Variants in TEX15 observed in about 807,000 individuals in gnomAD.
TEX15 encodes testis-expressed protein 15.
Under a neutral mutation model 237.3 loss-of-function variants are expected in TEX15, and 171 were observed. That is an observed-to-expected ratio of 0.72 (90% confidence interval 0.64 to 0.82). The LOEUF (loss-of-function observed/expected upper bound fraction) is 0.82, where lower values mean the gene tolerates loss of function less well. TEX15 is among the 40% of genes least tolerant of loss of function. The pLI, the probability that TEX15 is intolerant of heterozygous loss-of-function variation, is 0.00. For missense variants in TEX15, 3,750 were observed against 3,646.5 expected, an observed-to-expected ratio of 1.03 and a Z score of -0.73; for synonymous variants, 1,338 against 1,269.8, an observed-to-expected ratio of 1.05 and a Z score of -1.14.
At chr8:30,838,160 T>TTCTTAAGC in intron 9 of TEX15, 99 bp from the exon 10 acceptor site, 1 of 1,077,508 alleles carries the variant, frequency 9.3e-7, no homozygotes, top group Non-Finnish European at 1.3e-6. Flanking sequence ...AGGGGAAGAG[T>TTCTTAAGC]TCTTAAGCTT....
intron 1 of TEX15, among the ~76,000 whole-genome samples, chr8:30,910,611 T>C (rs922159350): frequency 1.5e-5 from 1 of 64,666 alleles, no homozygotes; most frequent in African/African-American, 1.5e-4. Flanking sequence ...ACGCCTGGCC[T>C]TTTTTTTTTT....
intron 5 of TEX15, among the ~76,000 whole-genome samples, chr8:30,862,091 A>C (rs1468536855): frequency 6.6e-6 from 1 of 152,142 alleles, no homozygotes; most frequent in Non-Finnish European, 1.5e-5. Flanking sequence ...TTCTCAGGAC[A>C]GTTGAGCATT....
At chr8:30,836,204 C>A (rs1465345096) in intron 10 of TEX15, among the ~76,000 whole-genome samples, 5 of 18,846 alleles carry the variant, frequency 2.7e-4, no homozygotes, top group Non-Finnish European at 3.5e-4. Flanking sequence ...TTCACTGTAT[C>A]GTTTTTTTTT....
At chr8:30,856,149 T>A (rs1807907051) in intron 7 of TEX15, among the ~76,000 whole-genome samples, 1 of 151,894 alleles carries the variant, frequency 6.6e-6, no homozygotes. Flanking sequence ...TTTCACCTTG[T>A]TGGCCAGGCT....
At position 30,848,951 on chromosome 8, in the gene TEX15, T is replaced by C. The variant is rs1006026338; in HGVS notation, c.1216A>G (p.Ile406Val). The C allele has an allele frequency of 6.2e-6, 10 of 1,614,006 alleles. No individual in the cohort carries two copies. Among genetic ancestry groups the C allele is most frequent in the African/African-American group, 1.3e-5 (1 of 74,920 alleles). Residue 406 changes from isoleucine to valine, a missense_variant, in exon 8 of 11, where the codon ATT becomes GTT. Physicochemically the swap from Ile to Val is conservative, Grantham distance 29. Coordinates refer to ENST00000643185, the MANE Select transcript of TEX15 (RefSeq NM_001350162.2). Reference sequence around the variant, plus strand: ...AAAGAAGCATTAAGACCACTTAAAATATTTTTAAGACTTGTCCAATTTAAC... The same window carrying C: ...AAAGAAGCATTAAGACCACTTAAAACATTTTTAAGACTTGTCCAATTTAAC... Reference protein sequence around the residue: ...LLLNWTSLKNILSGLNASFPL... With the variant: ...LLLNWTSLKNVLSGLNASFPL...
chr8:30,848,837 C>T lies in TEX15; in HGVS notation c.1330G>A (p.Gly444Arg), dbSNP rs1342059340. ...PRLMRREESM[G>R]EQSSTAGLNE... Reference sequence around the variant, plus strand: ...AAGCCTGCAGTACTACTCTGTTCTCCCATACTTTCTTCTCTCCTCATCAGT... The same window carrying T: ...AAGCCTGCAGTACTACTCTGTTCTCTCATACTTTCTTCTCTCCTCATCAGT... Residue 444 changes from glycine (G) to arginine (R), a missense_variant, in exon 8 of 11, where the codon GGA (glycine) becomes AGA (arginine). Coordinates refer to ENST00000643185, the MANE Select transcript of TEX15 (RefSeq NM_001350162.2). 2 of 1,614,146 alleles carry T rather than the reference C, an allele frequency of 1.2e-6. No individual in the cohort carries two copies. Among genetic ancestry groups the T allele is most frequent in the Admixed American group, 3.3e-5 (2 of 60,018 alleles).
At chr8:30,841,413 T>C (rs1391143478) in intron 8 of TEX15, among the ~76,000 whole-genome samples, 1 of 152,192 alleles carries the variant, frequency 6.6e-6, no homozygotes. Flanking sequence ...CCACTTTCCT[T>C]ATCTTGAAGT....
intron 4 of TEX15, among the ~76,000 whole-genome samples, chr8:30,872,897 C>T (rs968346997): frequency 6.6e-6 from 1 of 152,090 alleles, no homozygotes; most frequent in Non-Finnish European, 1.5e-5. Context: ...AAAAATATTA[C>T]AGTAAGCTAA....
chr8:30,886,980 TG>T, intron 3 of TEX15, 186 bp downstream of exon 3: 1 of 458,168 alleles, frequency 2.2e-6, no homozygotes, highest in Non-Finnish European at 3.7e-6. Context: ...GTGTACTTAG[TG>T]GGAAGGATGC....
chr8:30,852,205 C>T (rs1012952355), intron 7 of TEX15, among the ~76,000 whole-genome samples: 13 of 143,448 alleles, frequency 9.1e-5, no homozygotes, highest in Admixed American at 2.8e-4. Context: ...CCCGGGTTCA[C>T]GCCATTCTCC....
rs149530078 is a variant in TEX15 at position 30,847,627 on chromosome 8, T to C, written c.2540A>G (p.Asn847Ser). Residue 847 changes from asparagine (N) to serine (S), a missense_variant, in exon 8 of 11, where the codon AAT (asparagine) becomes AGT (serine). Physicochemically the swap from Asn to Ser is conservative, Grantham distance 46. Transcript: ENST00000643185. ...GAAATTAACATTCAGCCATATATCA[T>C]TGCTTAACTGTGAATTACAGAACAG... ...HNLFCNSQLS[N>S]DIWLNVNFKK... The C allele has an allele frequency of 1.5e-4, 239 of 1,613,508 alleles. No homozygotes were observed. Among genetic ancestry groups the C allele is most frequent in the Middle Eastern group, 3.3e-4 (2 of 6,082 alleles).
Position 30,848,021 on chromosome 8 carries a change from T to C in TEX15, c.2146A>G (p.Ser716Gly). Residue 716 changes from serine to glycine, a missense_variant, in exon 8 of 11, where the codon AGT (serine) becomes GGT (glycine). Physicochemically the swap from Ser to Gly is moderately conservative, Grantham distance 56. Transcript: ENST00000643185. ...HLALEWQITP[S>G]FESLSQKHPQ... The stretch of plus-strand genomic sequence containing the variant: ...TGCTTTTGTGACAGGCTCTCAAAAC[T>C]TGGAGTAATTTGCCATTCCAATGCT... 3.1e-6 allele frequency: 5 copies of C among 1,614,006 alleles called. No homozygotes were observed. In the South Asian group the frequency reaches 3.3e-5, roughly 11 times the overall value.
intron 2 of TEX15, among the ~76,000 whole-genome samples, chr8:30,889,940 T>TATATACAC (rs1554502302): frequency 7.7e-6 from 1 of 129,922 alleles, no homozygotes; most frequent in African/African-American, 3.6e-5. Flanking sequence ...TATACATATA[T>TATATACAC]ATATATATAT....
rs1807201968 is a variant in TEX15 at position 30,832,374 on chromosome 8, GA to G, written c.*911del. The G allele has an allele frequency of 6.6e-6, 1 of 152,176 alleles. No homozygotes were observed. The highest frequency in any genetic ancestry group is 2.4e-5 in the African/African-American group (1 of 41,436). The allele number at this position is 152,176 out of a possible 1,614,324, so 9.4% of individuals were successfully genotyped here. On this transcript the variant is annotated 3_prime_UTR_variant, in exon 11 of 11. Transcript: ENST00000643185. The stretch of plus-strand genomic sequence containing the variant: ...GGCTCTGTCTGACTAGGATCTTACA[GA>G]AAACAGGAATAGCTGTTGAGCAAGA...
At chr8:30,886,172 G>A (rs769607644) in intron 3 of TEX15, among the ~76,000 whole-genome samples, 2 of 152,120 alleles carry the variant, frequency 1.3e-5, no homozygotes, top group Non-Finnish European at 2.9e-5. Context: ...TGAGACTCTA[G>A]ATTATATTTA....
chr8:30,858,645 G>A (rs1384802585), intron 7 of TEX15, 23 bp downstream of exon 7: 13 of 1,505,630 alleles, frequency 8.6e-6, no homozygotes, highest in Non-Finnish European at 1.2e-5. Context: ...TATTAATCAA[G>A]TACAATCATA....
At chr8:30,851,313 A>T (rs752139980) in intron 7 of TEX15, among the ~76,000 whole-genome samples, 6 of 152,246 alleles carry the variant, frequency 3.9e-5, no homozygotes, top group Non-Finnish European at 8.8e-5. Context: ...ACAGAATGTT[A>T]TGCAGCTATT....
At chr8:30,892,011 C>T (rs553371035) in intron 2 of TEX15, among the ~76,000 whole-genome samples, 1 of 152,216 alleles carries the variant, frequency 6.6e-6, no homozygotes, top group South Asian at 2.1e-4. Context: ...TTAGTCCCAA[C>T]TACGAATATT....
chr8:30,847,497 A>G lies in TEX15; in HGVS notation c.2670T>C (p.Ser890=), dbSNP rs1807648170. The change falls in exon 8 of 11, where the codon TCT becomes TCC. Residue 890 remains serine (S), a synonymous_variant. Coordinates refer to ENST00000643185, the MANE Select transcript of TEX15 (RefSeq NM_001350162.2). ...TATTGCTGAAATTTTCGTTTGTATG[A>G]GAATCCTGCTTTTTGTCTCCATATA... ...ENIYGDKKQD[S]HTNENFSNID... The G allele has an allele frequency of 6.2e-7, 1 of 1,613,474 alleles. No individual in the cohort carries two copies. The highest frequency in any genetic ancestry group is 8.5e-7 in the Non-Finnish European group (1 of 1,179,860).
Sources: gnomAD v4.1 joint callset for allele counts (sites outside exome capture counted in the v4.1 genomes callset) on GRCh38, gnomAD v4.1.1 for gene constraint, MANE v1.5 for transcripts, NCBI Gene and HGNC (gene_info 2026-07-23, HGNC 2026-07-21) for gene names.